The following PHF20 variants were observed in gnomAD, a reference collection of about 807,000 sequenced individuals.
The protein encoded by PHF20 is glioma-expressed antigen 2.
A neutral mutation model predicts 113.5 loss-of-function variants in PHF20; 23 were observed. That is an observed-to-expected ratio of 0.20 (90% CI 0.15 to 0.29). The LOEUF (loss-of-function observed/expected upper bound fraction) is 0.29, where lower values mean the gene tolerates loss of function less well. PHF20 is among the 10% of genes least tolerant of loss of function. The pLI, the probability that PHF20 is intolerant of heterozygous loss-of-function variation, is 1.00. For missense variants in PHF20, 943 were observed against 1,219.6 expected, an observed-to-expected ratio of 0.77 and a Z score of 3.38; for synonymous variants, 434 against 457.3, an observed-to-expected ratio of 0.95 and a Z score of 0.65.
chr20:35,830,664 ACAT>A (rs2042343141), intron 2 of PHF20, among the ~76,000 whole-genome samples: 2 of 151,172 alleles, frequency 1.3e-5, no homozygotes, highest in South Asian at 4.2e-4. Context: ...TTTCTTTTTC[ACAT>A]CAACTTTATA....
intron 15 of PHF20, among the ~76,000 whole-genome samples, chr20:35,932,677 C>T (rs1429808808): frequency 6.6e-6 from 1 of 152,116 alleles, no homozygotes; most frequent in Non-Finnish European, 1.5e-5. Context: ...GTGATCCACC[C>T]ACCTCGGCCT....
chr20:35,851,260 C>T (rs1439428005), intron 4 of PHF20, among the ~76,000 whole-genome samples: 2 of 152,154 alleles, frequency 1.3e-5, no homozygotes, highest in East Asian at 3.9e-4. Flanking sequence ...TCAGCTCCTT[C>T]TTCCTAAAAA....
intron 1 of PHF20, among the ~76,000 whole-genome samples, chr20:35,777,305 G>A (rs1357241953): frequency 1.3e-5 from 2 of 152,144 alleles, no homozygotes; most frequent in Admixed American, 1.3e-4. Flanking sequence ...AATTAGCAGG[G>A]CAGGTGGCAT....
chr20:35,821,161 G>T (rs1221668207), intron 2 of PHF20, among the ~76,000 whole-genome samples: 1 of 152,048 alleles, frequency 6.6e-6, no homozygotes, highest in Non-Finnish European at 1.5e-5. Context: ...ATTAAAAGTG[G>T]CTGTGGGCCA....
At chr20:35,785,858 C>T (rs1385149607) in intron 1 of PHF20, among the ~76,000 whole-genome samples, 1 of 149,912 alleles carries the variant, frequency 6.7e-6, no homozygotes. Flanking sequence ...CAGTGAAATC[C>T]CGTCTCTACT....
chr20:35,939,686 T>C (rs2055939401), intron 16 of PHF20, among the ~76,000 whole-genome samples: 1 of 152,198 alleles, frequency 6.6e-6, no homozygotes, highest in Non-Finnish European at 1.5e-5. Flanking sequence ...TCGTTGCCGG[T>C]GTTTTCATCT....
At chr20:35,823,582 G>C (rs2042210250) in intron 2 of PHF20, among the ~76,000 whole-genome samples, 1 of 136,214 alleles carries the variant, frequency 7.3e-6, no homozygotes, top group Non-Finnish European at 1.5e-5. Flanking sequence ...AGCTGTGATT[G>C]TACCGCTGCA....
intron 1 of PHF20, among the ~76,000 whole-genome samples, chr20:35,786,120 G>A (rs1481021669): frequency 6.6e-6 from 1 of 152,028 alleles, no homozygotes; most frequent in Admixed American, 6.6e-5. Flanking sequence ...TGGGCGTGGT[G>A]GCTCACGCCT....
intron 2 of PHF20, among the ~76,000 whole-genome samples, chr20:35,804,068 C>CGTTT (rs912924517): frequency 6.6e-6 from 1 of 151,496 alleles, no homozygotes; most frequent in African/African-American, 2.4e-5. Flanking sequence ...TACTAATGGA[C>CGTTT]GTTTGTTTGT....
rs1448699877 is a variant in PHF20 at position 35,948,836 on chromosome 20, A to G, written c.*1209A>G. ...ACCCATTTCACTACTTTGTTTTCTT[A>G]TCACTAAAGGCAAAAATCAAAGCAC... On this transcript the variant is annotated 3_prime_UTR_variant, in exon 18 of 18. Coordinates refer to ENST00000374012, the MANE Select transcript of PHF20 (RefSeq NM_016436.5). The G allele has an allele frequency of 6.6e-6, 1 of 152,620 alleles. No individual in the cohort carries two copies. Among genetic ancestry groups the G allele is most frequent in the Non-Finnish European group, 1.5e-5 (1 of 68,040 alleles). 9.5% of individuals were successfully genotyped at this position (152,620 alleles called of 1,614,324 possible).
At chr20:35,913,996 T>A in intron 11 of PHF20, 37 bp from the exon 12 acceptor site, 4 of 1,603,726 alleles carry the variant, frequency 2.5e-6, no homozygotes, top group Non-Finnish European at 3.4e-6. Context: ...CAGTGTTAAC[T>A]AGGGTTATTC....
intron 1 of PHF20, among the ~76,000 whole-genome samples, chr20:35,783,875 C>A (rs1273778367): frequency 2.0e-5 from 3 of 151,838 alleles, no homozygotes; most frequent in Non-Finnish European, 2.9e-5. Context: ...CTCAGCTACT[C>A]TTGGGAGGCT....
At position 35,811,896 on chromosome 20, in the gene PHF20, G is replaced by A. The variant is rs1347681240; in HGVS notation, c.83+10291G>A. Among the ~76,000 whole-genome samples, 4 of 151,072 alleles carry A rather than the reference G, an allele frequency of 2.6e-5. 1 individual carries two copies. The highest frequency in any genetic ancestry group is 2.1e-4 in the South Asian group (1 of 4,778). On this transcript the variant is annotated intron_variant, in intron 2 of 17. Coordinates refer to ENST00000374012, the MANE Select transcript of PHF20 (RefSeq NM_016436.5). The stretch of plus-strand genomic sequence containing the variant: ...CACCATTCTCCTGCCTCAGCCTCCC[G>A]AGTAGCTGGGACTACAGGCACCCGC...
At chr20:35,846,590 T>G (rs977303245) in intron 3 of PHF20, among the ~76,000 whole-genome samples, 2 of 152,240 alleles carry the variant, frequency 1.3e-5, no homozygotes, top group Non-Finnish European at 1.5e-5. Flanking sequence ...GCTGCTTCCC[T>G]GAGTATGAAG....
chr20:35,789,646 A>G (rs1322961263), intron 1 of PHF20, among the ~76,000 whole-genome samples: 1 of 151,584 alleles, frequency 6.6e-6, no homozygotes, highest in Non-Finnish European at 1.5e-5. Context: ...TGCCGGGTTC[A>G]AGCAATTCTC....
At position 35,899,975 on chromosome 20, in the gene PHF20, C is replaced by G. The variant is rs571870164; in HGVS notation, c.1561+327C>G. Among the ~76,000 whole-genome samples the G allele has an allele frequency of 3.9e-5, 6 of 152,302 alleles. No individual in the cohort carries two copies. The South Asian group carries it at 8.3e-4, about 21-fold the overall frequency. Reference sequence around the variant, plus strand: ...GTGCTCAGAGCAGCATGGGTGCCATCGTCCCACTCTCCCAAACCTGTGCGT... The same window carrying G: ...GTGCTCAGAGCAGCATGGGTGCCATGGTCCCACTCTCCCAAACCTGTGCGT... On this transcript the variant is annotated intron_variant, in intron 10 of 17. Transcript: ENST00000374012.
chr20:35,828,935 TTTA>T (rs1214610109), intron 2 of PHF20, among the ~76,000 whole-genome samples: 3 of 152,176 alleles, frequency 2.0e-5, no homozygotes, highest in African/African-American at 7.2e-5. Context: ...ACAATAAACA[TTTA>T]TTATTCTCTA....
Position 35,948,037 on chromosome 20 carries a change from G to C in PHF20, c.*410G>C, listed in dbSNP as rs1375065448. On this transcript the variant is annotated 3_prime_UTR_variant, in exon 18 of 18. Transcript: ENST00000374012. ...CGTTGGGGCACATGCCAACTCCCTG[G>C]TTTCTTCCTGGCATGGTGTTTGGGC... 5.9e-6 allele frequency: 1 copy of C among 170,878 alleles called. No individual in the cohort carries two copies. The highest frequency in any genetic ancestry group is 1.3e-5 in the Non-Finnish European group (1 of 78,218). 10.6% of individuals were successfully genotyped at this position (170,878 alleles called of 1,614,324 possible).
chr20:35,785,724 C>T (rs964162216), intron 1 of PHF20, among the ~76,000 whole-genome samples: 4 of 151,926 alleles, frequency 2.6e-5, no homozygotes, highest in African/African-American at 7.3e-5. Context: ...ATTTCATCTC[C>T]AAATTGTTTT....
Sources: gnomAD v4.1 joint callset for allele counts (sites outside exome capture counted in the v4.1 genomes callset) on GRCh38, gnomAD v4.1.1 for gene constraint, MANE v1.5 for transcripts, NCBI Gene and HGNC (gene_info 2026-07-23, HGNC 2026-07-21) for gene names.